PRR5L: variants seen among roughly 807,000 people sequenced by gnomAD.
The protein encoded by PRR5L is proline rich 5 like, also known as proline-rich protein 5-like.
A neutral mutation model predicts 36.4 loss-of-function variants in PRR5L; 21 were observed. The observed-to-expected ratio is 0.58, with a 90% CI of 0.41 to 0.83. The LOEUF (loss-of-function observed/expected upper bound fraction) is 0.83, where lower values mean the gene tolerates loss of function less well. Ranked by LOEUF, PRR5L falls within the 40% of genes least tolerant of loss-of-function variation. The pLI is 0.00. For synonymous variants in PRR5L, 188 were observed against 197.0 expected (o/e 0.95, Z 0.38); for missense variants, 381 against 473.3 (o/e 0.80, Z 1.81).
chr11:36,390,158 C>G (rs1339716168), intron 1 of PRR5L, among the ~76,000 whole-genome samples: 1 of 152,160 alleles, frequency 6.6e-6, no homozygotes, highest in Non-Finnish European at 1.5e-5. Context: ...GGAGGGTGCT[C>G]TCTGGGGTGG....
At chr11:36,325,382 G>C (rs1441606141) in intron 1 of PRR5L, among the ~76,000 whole-genome samples, 3 of 152,258 alleles carry the variant, frequency 2.0e-5, no homozygotes, top group Non-Finnish European at 4.4e-5. Context: ...AGTGGTGGAC[G>C]GGGAGCGAAA....
intron 1 of PRR5L, among the ~76,000 whole-genome samples, chr11:36,322,419 C>G (rs980097175): frequency 6.6e-6 from 1 of 152,068 alleles, no homozygotes; most frequent in Non-Finnish European, 1.5e-5. Flanking sequence ...CACCAGAAAA[C>G]AGAATGATTT....
Position 36,325,101 on chromosome 11 carries a change from C to G in PRR5L, c.-126+28663C>G, listed in dbSNP as rs182952681. Among the ~76,000 whole-genome samples, 473 of 152,244 alleles carry G rather than the reference C, an allele frequency of 3.1e-3. 2 individuals carry two copies. Among genetic ancestry groups the G allele is most frequent in the Non-Finnish European group, 5.1e-3 (346 of 68,026 alleles). On this transcript the variant is annotated intron_variant, in intron 1 of 8. Transcript: ENST00000530639. ...CTCTGACCTGGGGTTCTTGGCCTCA[C>G]GGATTCCAAAGAATGGAATCTTGGG...
intron 8 of PRR5L, among the ~76,000 whole-genome samples, chr11:36,461,201 G>A (rs1859171011): frequency 6.6e-6 from 1 of 152,146 alleles, no homozygotes; most frequent in South Asian, 2.1e-4. Context: ...CCCTCTCTGA[G>A]ACTCAGTTTT....
intron 4 of PRR5L, among the ~76,000 whole-genome samples, chr11:36,422,289 G>T (rs976969074): frequency 1.3e-5 from 2 of 152,156 alleles, no homozygotes; most frequent in African/African-American, 2.4e-5. Flanking sequence ...GTCAGATGTC[G>T]TTTCAGGAGG....
intron 1 of PRR5L, among the ~76,000 whole-genome samples, chr11:36,301,337 C>T (rs539666871): frequency 6.6e-6 from 1 of 152,166 alleles, no homozygotes; most frequent in East Asian, 1.9e-4. Flanking sequence ...AACTCTGAGG[C>T]AGGACGGGGA....
At chr11:36,431,807 C>T in intron 4 of PRR5L, 46 bp from the exon 5 acceptor site, 1 of 1,575,492 alleles carries the variant, frequency 6.3e-7, no homozygotes, top group Non-Finnish European at 8.7e-7. Context: ...ATCACTTACG[C>T]TCTGGAGTTG....
chr11:36,370,823 G>A (rs1379513202), intron 1 of PRR5L, among the ~76,000 whole-genome samples: 13 of 143,538 alleles, frequency 9.1e-5, no homozygotes, highest in African/African-American at 2.6e-4. Flanking sequence ...GGAGGTTGCA[G>A]TGAGGCAAGA....
At chr11:36,451,367 G>T (rs1450337985) in intron 8 of PRR5L, 32 bp downstream of exon 8, 3 of 1,612,658 alleles carry the variant, frequency 1.9e-6, no homozygotes. Flanking sequence ...TTGTCAAGAG[G>T]CCCAGTGATC....
At chr11:36,371,463 C>A (rs1857196483) in intron 1 of PRR5L, among the ~76,000 whole-genome samples, 1 of 152,124 alleles carries the variant, frequency 6.6e-6, no homozygotes, top group Admixed American at 6.5e-5. Context: ...ATTTTATTAC[C>A]TGAGCTCTGA....
chr11:36,309,178 G>C (rs12226509), intron 1 of PRR5L, among the ~76,000 whole-genome samples: 11,336 of 152,222 alleles, frequency 0.074, 497 homozygotes, highest in East Asian at 0.12. Flanking sequence ...ACTTGGAGTT[G>C]TTTTGGTGAG....
intron 2 of PRR5L, 120 bp from the exon 3 acceptor site, chr11:36,403,178 T>G (rs544376908): frequency 1.4e-6 from 1 of 707,916 alleles, no homozygotes; most frequent in East Asian, 2.8e-5. Flanking sequence ...GGATGGAGAG[T>G]GTGGCCAGGT....
intron 3 of PRR5L, among the ~76,000 whole-genome samples, chr11:36,406,212 CTTT>C (rs1474087247): frequency 5.3e-5 from 8 of 152,182 alleles, no homozygotes; most frequent in African/African-American, 1.9e-4. Context: ...CCCAGCCCTC[CTTT>C]CCAGTGTTGG....
intron 1 of PRR5L, chr11:36,376,473 A>C: frequency 9.1e-7 from 1 of 1,099,574 alleles, no homozygotes; most frequent in Non-Finnish European, 1.1e-6. Context: ...AGAGGAACCG[A>C]GGCTGGACGG....
chr11:36,417,868 G>C (rs1410415824), intron 3 of PRR5L, among the ~76,000 whole-genome samples: 1 of 152,174 alleles, frequency 6.6e-6, no homozygotes, highest in Non-Finnish European at 1.5e-5. Context: ...ATAGCCAATG[G>C]GATGAGCAAA....
At chr11:36,342,355 C>G (rs7110264) in intron 1 of PRR5L, among the ~76,000 whole-genome samples, 4,138 of 152,148 alleles carry the variant, frequency 0.027, 178 homozygotes, top group African/African-American at 0.094. Context: ...GAAATATGCC[C>G]CATAAGAACA....
chr11:36,388,818 C>T (rs1302819291), intron 1 of PRR5L, among the ~76,000 whole-genome samples: 1 of 151,540 alleles, frequency 6.6e-6, no homozygotes, highest in African/African-American at 2.4e-5. Flanking sequence ...CCTGCCTCAG[C>T]CTCCGGAGTA....
intron 1 of PRR5L, among the ~76,000 whole-genome samples, chr11:36,328,966 T>A (rs1277488868): frequency 6.6e-6 from 1 of 152,222 alleles, no homozygotes; most frequent in Non-Finnish European, 1.5e-5. Context: ...GTAAATCATT[T>A]CAGGAGGCAG....
chr11:36,432,199 A>G (rs1858514471), intron 5 of PRR5L, among the ~76,000 whole-genome samples: 2 of 151,410 alleles, frequency 1.3e-5, no homozygotes, highest in Non-Finnish European at 2.9e-5. Flanking sequence ...TTTGTTTTTA[A>G]TGGGATGCAG....
Sources: allele counts gnomAD v4.1 joint callset (sites outside exome capture counted in the v4.1 genomes callset), GRCh38; gene constraint gnomAD v4.1.1; transcripts MANE v1.5; gene names NCBI Gene and HGNC (gene_info 2026-07-23, HGNC 2026-07-21).